The following NT5E variants were observed in gnomAD, a reference collection of about 807,000 sequenced individuals.
NT5E encodes 5'-nucleotidase ecto, also known as 5'-nucleotidase.
In NT5E, 53 loss-of-function variants were observed where a neutral mutation model predicts 55.1. That is an observed-to-expected ratio of 0.96 (90% CI 0.77 to 1.21). NT5E has a LOEUF of 1.21. Among genes scored for constraint, NT5E ranks in the 50% most tolerant of loss-of-function variants. The pLI, the probability that NT5E is intolerant of heterozygous loss-of-function variation, is 0.00. For missense variants in NT5E, 683 were observed against 724.3 expected (o/e 0.94, Z 0.65); for synonymous variants, 270 against 278.4 (o/e 0.97, Z 0.30).
At chr6:85,464,981 G>C (rs1769162045) in intron 1 of NT5E, among the ~76,000 whole-genome samples, 1 of 152,184 alleles carries the variant, frequency 6.6e-6, no homozygotes, top group South Asian at 2.1e-4. Flanking sequence ...TTGAGACATT[G>C]GGAGGAAATG....
rs768154707 is a variant in NT5E, at chr6:85,485,398, A to T, written c.915A>T (p.Gly305=). 8.7e-6 allele frequency: 14 copies of T among 1,614,234 alleles called. No homozygotes were observed. The South Asian group carries it at 1.5e-4, about 18-fold the overall frequency. The change falls in exon 4 of 9, where the codon GGA becomes GGT. Residue 305 remains glycine (G), a synonymous_variant. Transcript: ENST00000257770. Reference sequence around the variant, plus strand: ...GAGGAAACGTCATCTCTTCCCATGGAAATCCCATTCTTCTAAACAGCAGCA... The same window carrying T: ...GAGGAAACGTCATCTCTTCCCATGGTAATCCCATTCTTCTAAACAGCAGCA... ...DERGNVISSH[G]NPILLNSSIP... is the part of the protein sequence containing the mutation.
chr6:85,461,234 G>A (rs1769093433), intron 1 of NT5E, among the ~76,000 whole-genome samples: 1 of 152,168 alleles, frequency 6.6e-6, no homozygotes, highest in Admixed American at 6.5e-5. Flanking sequence ...TTATCCCATT[G>A]CCCCTGGCAG....
intron 2 of NT5E, among the ~76,000 whole-genome samples, chr6:85,470,303 G>A (rs1769278439): frequency 6.6e-6 from 1 of 152,130 alleles, no homozygotes; most frequent in African/African-American, 2.4e-5. Context: ...CTTGACTACT[G>A]ATAACAAAAG....
chr6:85,484,128 T>C (rs77794961), intron 3 of NT5E, among the ~76,000 whole-genome samples: 162 of 152,312 alleles, frequency 1.1e-3, no homozygotes, highest in African/African-American at 3.4e-3. Context: ...GGTCCATGTG[T>C]GTAATCAACA....
rs779684973 is a variant in NT5E, at chr6:85,450,093, A to ACTCGCCCGG, written c.-38_-30dup. ...TAGCTGCTCGCCCCTACTCGCCGGC[A>ACTCGCCCGG]CTCGCCCGGCTCGCCCGCTTTCGCA... On this transcript the variant is annotated 5_prime_UTR_variant, in exon 1 of 9. Transcript: ENST00000257770. This position sits in a 1 kb window ranked among gnomAD's most constrained non-coding sequence, Gnocchi z 4.0. 9.4e-6 allele frequency: 14 copies of ACTCGCCCGG among 1,482,226 alleles called. No homozygotes were observed. In the South Asian group the frequency reaches 1.5e-4, roughly 15 times the overall value. 91.8% of individuals were successfully genotyped at this position (1,482,226 alleles called of 1,614,324 possible). A position where few individuals can be genotyped will look rare whatever the true frequency, so the allele number is the denominator to read the frequency against.
chr6:85,467,316 A>T, intron 2 of NT5E, 34 bp downstream of exon 2: 2 of 1,542,498 alleles, frequency 1.3e-6, no homozygotes, highest in Non-Finnish European at 1.8e-6. Context: ...CAATGCTTGA[A>T]AATAGATGCC....
In NT5E at chr6:85,450,098, C is replaced by T; in HGVS notation, c.-42C>T. On this transcript the variant is annotated 5_prime_UTR_variant, in exon 1 of 9. Transcript: ENST00000257770. This position sits in a 1 kb window ranked among gnomAD's most constrained non-coding sequence, Gnocchi z 4.0. ...GCTCGCCCCTACTCGCCGGCACTCG[C>T]CCGGCTCGCCCGCTTTCGCACCCAG... is the stretch of plus-strand genomic sequence containing the variant. 1 of 1,503,992 alleles carries T rather than the reference C, an allele frequency of 6.6e-7. No individual in the cohort carries two copies. The highest frequency in any genetic ancestry group is 8.9e-7 in the Non-Finnish European group (1 of 1,118,976). 93.2% of individuals were successfully genotyped at this position (1,503,992 alleles called of 1,614,324 possible). A position where few individuals can be genotyped will look rare whatever the true frequency, so the allele number is the denominator to read the frequency against.
intron 1 of NT5E, among the ~76,000 whole-genome samples, chr6:85,451,832 G>T (rs528438680): frequency 1.2e-4 from 18 of 152,324 alleles, no homozygotes; most frequent in African/African-American, 4.1e-4. Flanking sequence ...GACAGGAAAA[G>T]ATGATAAGAG....
At chr6:85,480,769 TAAAC>T (rs111733798) in intron 3 of NT5E, among the ~76,000 whole-genome samples, 127 of 152,220 alleles carry the variant, frequency 8.3e-4, no homozygotes, top group East Asian at 4.1e-3. Flanking sequence ...ACTAATAGCT[TAAAC>T]AAACAAACAA....
chr6:85,480,933 T>C (rs968896185), intron 3 of NT5E, among the ~76,000 whole-genome samples: 2 of 152,184 alleles, frequency 1.3e-5, no homozygotes, highest in Admixed American at 6.5e-5. Context: ...CATTCTCCTG[T>C]ATCCCAACTC....
At chr6:85,484,628 A>T (rs144041559) in intron 3 of NT5E, among the ~76,000 whole-genome samples, 159 of 152,300 alleles carry the variant, frequency 1.0e-3, no homozygotes, top group Admixed American at 4.9e-3. Context: ...CGCCAAGAAC[A>T]GCTCTTTGTC....
intron 5 of NT5E, among the ~76,000 whole-genome samples, chr6:85,489,069 G>A (rs1194408262): frequency 6.6e-6 from 1 of 152,148 alleles, no homozygotes; most frequent in Non-Finnish European, 1.5e-5. Flanking sequence ...AGACGTGGAG[G>A]CCAGGTTCTC....
At position 85,477,592 on chromosome 6, in the gene NT5E, A is replaced by C. The variant is rs371109845; in HGVS notation, c.751+6167A>C. On this transcript the variant is annotated intron_variant, in intron 3 of 8. Transcript: ENST00000257770. ...GATGCATCCCTGCTGTAATAGGAAT[A>C]AGTAAAGAGGGTGGGAGACTGTTGT... Among the ~76,000 whole-genome samples, 39 of 152,312 alleles carry C rather than the reference A, an allele frequency of 2.6e-4. 1 individual carries two copies. The East Asian group carries it at 4.4e-3, about 17-fold the overall frequency.
At chr6:85,451,737 T>A (rs1768862553) in intron 1 of NT5E, among the ~76,000 whole-genome samples, 1 of 152,150 alleles carries the variant, frequency 6.6e-6, no homozygotes, top group South Asian at 2.1e-4. Flanking sequence ...ACACTTTATA[T>A]GAGAAGAGCT....
At chr6:85,479,134 A>T (rs974361826) in intron 3 of NT5E, among the ~76,000 whole-genome samples, 1 of 152,248 alleles carries the variant, frequency 6.6e-6, no homozygotes, top group East Asian at 1.9e-4. Context: ...TATAAAATTA[A>T]CTACTAATCC....
chr6:85,474,050 A>T (rs1159641412), intron 3 of NT5E, among the ~76,000 whole-genome samples: 1 of 152,242 alleles, frequency 6.6e-6, no homozygotes, highest in Non-Finnish European at 1.5e-5. Flanking sequence ...TTCCCATAAC[A>T]GTACAGTCAT....
intron 1 of NT5E, among the ~76,000 whole-genome samples, chr6:85,465,673 T>G (rs964007825): frequency 9.9e-5 from 15 of 152,188 alleles, no homozygotes; most frequent in African/African-American, 3.6e-4. Context: ...CACATGAGGA[T>G]GTATACACAA....
At chr6:85,474,172 T>A (rs1052909665) in intron 3 of NT5E, among the ~76,000 whole-genome samples, 3 of 152,208 alleles carry the variant, frequency 2.0e-5, no homozygotes, top group Admixed American at 2.0e-4. Context: ...CCTGTGCACA[T>A]CCTCGCATAT....
At chr6:85,452,594 T>C (rs1270739983) in intron 1 of NT5E, among the ~76,000 whole-genome samples, 6 of 152,100 alleles carry the variant, frequency 3.9e-5, no homozygotes, top group African/African-American at 1.4e-4. Flanking sequence ...TGGGAGCGGA[T>C]CACATGGCAA....
Sources: gnomAD v4.1 joint callset for allele counts (sites outside exome capture counted in the v4.1 genomes callset) on GRCh38, gnomAD v4.1.1 for gene constraint, Gnocchi (gnomAD v3.1) non-coding constraint, MANE v1.5 for transcripts, NCBI Gene and HGNC (gene_info 2026-07-23, HGNC 2026-07-21) for gene names.